Variants in SPATA12 observed in about 807,000 individuals in gnomAD.
SPATA12 encodes the protein spermatogenesis-associated protein 12.
For synonymous variants in SPATA12, 85 were observed against 89.2 expected (o/e 0.95, Z 0.26); for missense variants, 219 against 226.4 (o/e 0.97, Z 0.21).
intron 1 of SPATA12, among the ~76,000 whole-genome samples, chr3:57,068,201 G>C (rs533191426): frequency 6.6e-6 from 1 of 151,318 alleles, no homozygotes; most frequent in East Asian, 1.9e-4. Flanking sequence ...CAGGTTACCA[G>C]GTTGCAGTCT....
At chr3:57,067,930 C>T (rs1239860676) in intron 1 of SPATA12, among the ~76,000 whole-genome samples, 1 of 151,648 alleles carries the variant, frequency 6.6e-6, no homozygotes, top group African/African-American at 2.4e-5. Flanking sequence ...GCAGAGCTTG[C>T]AGTGAGCCAA....
chr3:57,073,411 G>A lies in SPATA12; in HGVS notation c.-284G>A, dbSNP rs1448307906. On this transcript the variant is annotated 5_prime_UTR_variant, in exon 2 of 2. In the 5' UTR this introduces an upstream ATG that the reference lacks. Transcript: ENST00000334325. ...GAGAAAGCCACTGGAGTTGGGCAGC[G>A]TGGGAAGCTGTGAAAGTGGACAAGC... 5.5e-6 allele frequency: 2 copies of A among 363,754 alleles called. No individual in the cohort carries two copies. Among genetic ancestry groups the A allele is most frequent in the Non-Finnish European group, 9.9e-6 (2 of 202,604 alleles). The allele number at this position is 363,754 out of a possible 1,614,324, so 22.5% of individuals were successfully genotyped here. A position where few individuals can be genotyped will look rare whatever the true frequency, so the allele number is the denominator to read the frequency against.
Position 57,073,590 on chromosome 3 carries a change from C to T in SPATA12, c.-105C>T, listed in dbSNP as rs946884822. The T allele has an allele frequency of 2.1e-6, 3 of 1,460,546 alleles. No individual in the cohort carries two copies. In the South Asian group the frequency reaches 4.4e-5, roughly 21 times the overall value. 90.5% of individuals were successfully genotyped at this position (1,460,546 alleles called of 1,614,324 possible). On this transcript the variant is annotated 5_prime_UTR_variant, in exon 2 of 2. Transcript: ENST00000334325. ...TGGCTGAAGGTGAATTGGAACAGTG[C>T]ACTCAGAGCCAGGTTGCAAGAGTGC...
chr3:57,073,618 C>A lies in SPATA12; in HGVS notation c.-77C>A. 6.6e-7 allele frequency: 1 copy of A among 1,511,576 alleles called. No homozygotes were observed. The highest frequency in any genetic ancestry group is 8.8e-7 in the Non-Finnish European group (1 of 1,133,050). The allele number at this position is 1,511,576 out of a possible 1,614,324, so 93.6% of individuals were successfully genotyped here. A position where few individuals can be genotyped will look rare whatever the true frequency, so the allele number is the denominator to read the frequency against. On this transcript the variant is annotated 5_prime_UTR_variant, in exon 2 of 2. An upstream open reading frame in the 5' UTR gains an earlier in-frame stop. Coordinates refer to ENST00000334325, the MANE Select transcript of SPATA12 (RefSeq NM_181727.2). ...TCAGAGCCAGGTTGCAAGAGTGCTG[C>A]ATGCTCCTCAGGGATTGGCTCCGGC...
At chr3:57,061,898 T>G (rs1171755903) in intron 1 of SPATA12, among the ~76,000 whole-genome samples, 1 of 152,236 alleles carries the variant, frequency 6.6e-6, no homozygotes, top group African/African-American at 2.4e-5. Flanking sequence ...CATCAGTATC[T>G]GAGCCCGCAT....
At chr3:57,069,227 T>C (rs533333551) in intron 1 of SPATA12, among the ~76,000 whole-genome samples, 31 of 152,306 alleles carry the variant, frequency 2.0e-4, no homozygotes, top group African/African-American at 7.5e-4. Context: ...GGCCTAGATC[T>C]GAGATTTTGA....
At chr3:57,066,611 A>G (rs1030297374) in intron 1 of SPATA12, among the ~76,000 whole-genome samples, 7 of 152,100 alleles carry the variant, frequency 4.6e-5, no homozygotes, top group Admixed American at 1.3e-4. Context: ...TATTTTACCC[A>G]CTGTGATGAT....
At chr3:57,067,328 G>A (rs777540018) in intron 1 of SPATA12, among the ~76,000 whole-genome samples, 10 of 151,548 alleles carry the variant, frequency 6.6e-5, no homozygotes, top group Non-Finnish European at 1.2e-4. Flanking sequence ...GGTGGCGGGC[G>A]CCTGTACTCC....
chr3:57,071,864 A>C (rs1705925214), intron 1 of SPATA12, among the ~76,000 whole-genome samples: 1 of 152,208 alleles, frequency 6.6e-6, no homozygotes, highest in Admixed American at 6.5e-5. Context: ...AATACTTTAA[A>C]ATCATAGCTG....
intron 1 of SPATA12, among the ~76,000 whole-genome samples, chr3:57,063,386 ACT>A (rs1390191656): frequency 6.6e-6 from 1 of 151,956 alleles, no homozygotes; most frequent in African/African-American, 2.4e-5. Flanking sequence ...GTTCCCTCTG[ACT>A]CTGAGTTGAG....
chr3:57,074,106 G>C lies in SPATA12; in HGVS notation c.412G>C (p.Glu138Gln). 10 of 1,613,982 alleles carry C rather than the reference G, an allele frequency of 6.2e-6. No individual in the cohort carries two copies. The highest frequency in any genetic ancestry group is 8.5e-6 in the Non-Finnish European group (10 of 1,179,836). ...TCTTGGTATGGAAGATGGGGATAAT[G>C]AGAGGACCACAGGATGGTTGTGGAG... ...QFLGMEDGDN[E>Q]RTTGWLWRLC... Residue 138 changes from glutamate (E) to glutamine (Q), a missense_variant, in exon 2 of 2, where the codon GAG (glutamate) becomes CAG (glutamine). Transcript: ENST00000334325.
chr3:57,071,608 C>G lies in SPATA12; in HGVS notation c.-329-1758C>G, dbSNP rs371611136. On this transcript the variant is annotated intron_variant, in intron 1 of 1. Coordinates refer to ENST00000334325, the MANE Select transcript of SPATA12 (RefSeq NM_181727.2). ...CCGGAAGGTGGAGGTTGTAGTGAGCCGAGATCATGCCACTATACTCCAGCC... is the reference window on the plus strand; with the variant it reads ...CCGGAAGGTGGAGGTTGTAGTGAGCGGAGATCATGCCACTATACTCCAGCC... 6.7e-5 allele frequency among the ~76,000 whole-genome samples: 10 copies of G among 149,686 alleles called. 1 individual carries two copies. The South Asian group carries it at 2.1e-3, about 32-fold the overall frequency.
chr3:57,071,542 C>A (rs1361552428), intron 1 of SPATA12, among the ~76,000 whole-genome samples: 2 of 151,846 alleles, frequency 1.3e-5, no homozygotes, highest in African/African-American at 4.8e-5. Context: ...CACCTGTAGT[C>A]CCAGCTACTT....
chr3:57,069,079 C>A (rs781019527), intron 1 of SPATA12, among the ~76,000 whole-genome samples: 1 of 152,040 alleles, frequency 6.6e-6, no homozygotes, highest in Non-Finnish European at 1.5e-5. Context: ...CTCACCACCA[C>A]GTCTGGATAA....
chr3:57,062,377 G>C (rs1250335084), intron 1 of SPATA12, among the ~76,000 whole-genome samples: 2 of 152,176 alleles, frequency 1.3e-5, no homozygotes, highest in East Asian at 1.9e-4. Context: ...CCACAGCCGA[G>C]GGGAGGGGAA....
At chr3:57,070,426 A>C (rs375976022) in intron 1 of SPATA12, among the ~76,000 whole-genome samples, 1 of 152,332 alleles carries the variant, frequency 6.6e-6, no homozygotes, top group East Asian at 1.9e-4. Flanking sequence ...GTGCAGTTTG[A>C]TGGATGGGTC....
intron 1 of SPATA12, among the ~76,000 whole-genome samples, chr3:57,071,659 CAA>C (rs34281617): frequency 1.1e-3 from 136 of 124,882 alleles, no homozygotes; most frequent in Middle Eastern, 4.4e-3. Context: ...AACTCCATCT[CAA>C]AAAAAAAAAA....
chr3:57,071,587 A>G (rs942561911), intron 1 of SPATA12, among the ~76,000 whole-genome samples: 9 of 151,562 alleles, frequency 5.9e-5, no homozygotes, highest in Non-Finnish European at 5.9e-5. Context: ...TTGAAACCGG[A>G]AGGTGGAGGT....
At chr3:57,069,515 C>T (rs1012453316) in intron 1 of SPATA12, among the ~76,000 whole-genome samples, 4 of 152,020 alleles carry the variant, frequency 2.6e-5, no homozygotes, top group African/African-American at 9.7e-5. Context: ...GTTTAGAAAA[C>T]AAGGTTCCAA....
Sources: allele counts gnomAD v4.1 joint callset (sites outside exome capture counted in the v4.1 genomes callset), GRCh38; gene constraint gnomAD v4.1.1; transcripts MANE v1.5; gene names NCBI Gene and HGNC (gene_info 2026-07-23, HGNC 2026-07-21).